The following TBC1D22A variants were observed in gnomAD, a reference collection of about 807,000 sequenced individuals.
The protein encoded by TBC1D22A is TBC1 domain family member 22A.
A neutral mutation model predicts 60.2 loss-of-function variants in TBC1D22A; 38 were observed. The observed-to-expected ratio is 0.63, with a 90% confidence interval of 0.49 to 0.83. The LOEUF is 0.83. TBC1D22A is among the 40% of genes least tolerant of loss of function. The pLI is 0.00. For synonymous variants in TBC1D22A, 302 were observed against 281.7 expected (o/e 1.07, Z -0.72); for missense variants, 628 against 701.0 (o/e 0.90, Z 1.18).
chr22:46,867,407 A>G (rs537096725), intron 4 of TBC1D22A, among the ~76,000 whole-genome samples: 52 of 152,220 alleles, frequency 3.4e-4, no homozygotes, highest in Non-Finnish European at 6.3e-4. Flanking sequence ...TCTGTGTGTC[A>G]AATGAGACAA....
chr22:46,824,730 A>G (rs1391971274), intron 4 of TBC1D22A, among the ~76,000 whole-genome samples: 1 of 151,762 alleles, frequency 6.6e-6, no homozygotes, highest in Non-Finnish European at 1.5e-5. Flanking sequence ...GAGGGGGTGT[A>G]TTTTAAAGCT....
chr22:46,863,112 T>C (rs2066894202), intron 4 of TBC1D22A, among the ~76,000 whole-genome samples: 4 of 152,166 alleles, frequency 2.6e-5, no homozygotes. Context: ...GTGGTTGCAC[T>C]GGTCATGGGT....
chr22:46,886,690 T>C (rs2147560526), intron 5 of TBC1D22A, among the ~76,000 whole-genome samples: 1 of 152,300 alleles, frequency 6.6e-6, no homozygotes, highest in Middle Eastern at 3.4e-3. Flanking sequence ...GACATAGAAA[T>C]GCGTATGATG....
intron 8 of TBC1D22A, among the ~76,000 whole-genome samples, chr22:46,921,718 C>T (rs951171008): frequency 2.0e-5 from 3 of 151,822 alleles, no homozygotes; most frequent in Admixed American, 2.0e-4. Flanking sequence ...AGTGTAAAAG[C>T]ATTTTCTTTT....
intron 4 of TBC1D22A, among the ~76,000 whole-genome samples, chr22:46,815,265 C>T (rs917936404): frequency 5.3e-5 from 8 of 152,224 alleles, no homozygotes; most frequent in African/African-American, 1.7e-4. Flanking sequence ...CAGAGCTGTG[C>T]GGCGGTCGCT....
rs1273860161 is a variant in TBC1D22A, at chr22:47,110,903, C to T, written c.1330-605C>T. Among the ~76,000 whole-genome samples, 7 of 152,314 alleles carry T rather than the reference C, an allele frequency of 4.6e-5. 1 individual carries two copies. Among genetic ancestry groups the T allele is most frequent in the African/African-American group, 1.7e-4 (7 of 41,574 alleles). Reference sequence around the variant, plus strand: ...TCCGGGATGAGTAAGGGGTAGATATCTCAAGAAGGGGGAGCAGGGAAGCCT... The same window carrying T: ...TCCGGGATGAGTAAGGGGTAGATATTTCAAGAAGGGGGAGCAGGGAAGCCT... On this transcript the variant is annotated intron_variant, in intron 11 of 12. Coordinates refer to ENST00000337137, the MANE Select transcript of TBC1D22A (RefSeq NM_014346.5).
intron 12 of TBC1D22A, among the ~76,000 whole-genome samples, chr22:47,140,368 G>C (rs1012628526): frequency 6.6e-6 from 1 of 151,892 alleles, no homozygotes; most frequent in East Asian, 1.9e-4. Context: ...TCAGGAGATC[G>C]AGACCACAGT....
chr22:46,903,080 G>C (rs2069124872), intron 7 of TBC1D22A, among the ~76,000 whole-genome samples: 2 of 152,180 alleles, frequency 1.3e-5, no homozygotes, highest in Admixed American at 1.3e-4. Context: ...TCCTGGCCCG[G>C]TTGGGCCGTG....
chr22:47,170,695 C>G (rs1376289675), intron 12 of TBC1D22A, among the ~76,000 whole-genome samples: 1 of 148,918 alleles, frequency 6.7e-6, no homozygotes, highest in Non-Finnish European at 1.5e-5. Context: ...GAGGACAGTC[C>G]TGGTGTGTAA....
At chr22:47,075,889 G>A (rs2064185142) in intron 11 of TBC1D22A, among the ~76,000 whole-genome samples, 2 of 151,980 alleles carry the variant, frequency 1.3e-5, no homozygotes, top group Non-Finnish European at 2.9e-5. Flanking sequence ...AAAGAAAGTT[G>A]CAATAGCTAC....
chr22:47,099,919 C>T lies in TBC1D22A; in HGVS notation c.1330-11589C>T, dbSNP rs185798963. On this transcript the variant is annotated intron_variant, in intron 11 of 12. Transcript: ENST00000337137. The stretch of plus-strand genomic sequence containing the variant: ...TGCTGACCTTCAGAGCCCTTCCAGC[C>T]CTGGTGTTTGACACGGGCCCCAAAC... Among the ~76,000 whole-genome samples, 47 of 152,296 alleles carry T rather than the reference C, an allele frequency of 3.1e-4. 1 individual carries two copies. In the East Asian group the frequency reaches 6.6e-3, roughly 21 times the overall value.
In TBC1D22A at chr22:46,950,499, T is replaced by C. The variant is rs953021163; in HGVS notation, c.1016-23791T>C. ...GGTCCTTGTGTCCACTGTGGAATGC[T>C]GGACTGTCCTTTAGGGCCGATGGCT... On this transcript the variant is annotated intron_variant, in intron 8 of 12. Coordinates refer to ENST00000337137, the MANE Select transcript of TBC1D22A (RefSeq NM_014346.5). Among the ~76,000 whole-genome samples, 56 of 152,358 alleles carry C rather than the reference T, an allele frequency of 3.7e-4. 1 individual carries two copies. The highest frequency in any genetic ancestry group is 1.3e-3 in the African/African-American group (54 of 41,586).
At chr22:47,046,665 T>C (rs1162258892) in intron 11 of TBC1D22A, among the ~76,000 whole-genome samples, 1 of 152,154 alleles carries the variant, frequency 6.6e-6, no homozygotes, top group Non-Finnish European at 1.5e-5. Context: ...ACACGAAACA[T>C]ACCTTTCTGC....
At chr22:47,056,487 G>C (rs1163639073) in intron 11 of TBC1D22A, among the ~76,000 whole-genome samples, 1 of 152,072 alleles carries the variant, frequency 6.6e-6, no homozygotes, top group African/African-American at 2.4e-5. Context: ...GCAGAAGCCA[G>C]AGAGAAGCTG....
intron 11 of TBC1D22A, among the ~76,000 whole-genome samples, chr22:47,040,798 A>G (rs1473861211): frequency 1.3e-5 from 2 of 152,190 alleles, no homozygotes; most frequent in South Asian, 2.1e-4. Flanking sequence ...TCTTTTCTCT[A>G]AATCCCGGTG....
At chr22:46,980,625 A>G (rs1247530992) in intron 9 of TBC1D22A, among the ~76,000 whole-genome samples, 3 of 138,716 alleles carry the variant, frequency 2.2e-5, no homozygotes, top group African/African-American at 8.2e-5. Flanking sequence ...CAACTGGGCA[A>G]CACAGAGAGA....
At chr22:46,879,821 T>C (rs1399962073) in intron 5 of TBC1D22A, among the ~76,000 whole-genome samples, 1 of 152,214 alleles carries the variant, frequency 6.6e-6, no homozygotes, top group Non-Finnish European at 1.5e-5. Context: ...GAAAGTCTCA[T>C]GTGAGTTATT....
intron 1 of TBC1D22A, among the ~76,000 whole-genome samples, chr22:46,791,849 C>T (rs1246743827): frequency 1.3e-5 from 2 of 152,236 alleles, no homozygotes; most frequent in Non-Finnish European, 2.9e-5. Context: ...CAACCTCCGC[C>T]TCCAGGGTTC....
At chr22:47,131,083 G>A (rs951102453) in intron 12 of TBC1D22A, among the ~76,000 whole-genome samples, 11 of 152,168 alleles carry the variant, frequency 7.2e-5, no homozygotes, top group African/African-American at 2.7e-4. Flanking sequence ...GCTCTGTCCT[G>A]AACTAACAGA....
Sources: gnomAD v4.1 joint callset for allele counts (sites outside exome capture counted in the v4.1 genomes callset) on GRCh38, gnomAD v4.1.1 for gene constraint, MANE v1.5 for transcripts, NCBI Gene and HGNC (gene_info 2026-07-23, HGNC 2026-07-21) for gene names.